BEND6: variants seen among roughly 807,000 people sequenced by gnomAD.
The protein encoded by BEND6 is BEN domain-containing protein 6.
A neutral mutation model predicts 31.8 loss-of-function variants in BEND6; 24 were observed. The ratio of observed to expected loss-of-function variants is 0.75; its 90% confidence interval spans 0.55 to 1.06. BEND6 has a LOEUF of 1.06. Ranked by LOEUF, BEND6 falls within the 50% of genes least tolerant of loss-of-function variation. The probability of loss-of-function intolerance (pLI) is 0.00; values close to 1 mark genes in which losing one functional copy is unlikely to be tolerated. For synonymous variants in BEND6, 109 were observed against 114.6 expected (o/e 0.95, Z 0.31); for missense variants, 294 against 327.4 (o/e 0.90, Z 0.79).
At chr6:57,013,182 C>T (rs1179546508) in intron 3 of BEND6, among the ~76,000 whole-genome samples, 1 of 152,228 alleles carries the variant, frequency 6.6e-6, no homozygotes, top group Non-Finnish European at 1.5e-5. Flanking sequence ...CCTAATACTT[C>T]TGACACCAAC....
intron 3 of BEND6, among the ~76,000 whole-genome samples, chr6:56,994,507 A>G (rs2127865799): frequency 6.7e-6 from 1 of 149,028 alleles, no homozygotes; most frequent in Non-Finnish European, 1.5e-5. Context: ...GGAGCTGTAG[A>G]CCTTGGTGTG....
rs115305534 is a variant in BEND6 at position 56,966,696 on chromosome 6, G to A, written c.-101+11236G>A. On this transcript the variant is annotated intron_variant, in intron 1 of 6. Transcript: ENST00000370746. Reference sequence around the variant, plus strand: ...TTACCTCTGTGCTATAGTCTTCTTCGTGAACACATCAACATGAAAGTAAGC... The same window carrying A: ...TTACCTCTGTGCTATAGTCTTCTTCATGAACACATCAACATGAAAGTAAGC... 3.7e-3 allele frequency among the ~76,000 whole-genome samples: 563 copies of A among 152,084 alleles called. 5 individuals are homozygous for A. The highest frequency in any genetic ancestry group is 0.013 in the African/African-American group (536 of 41,460).
At chr6:56,963,483 A>C (rs1049757746) in intron 1 of BEND6, among the ~76,000 whole-genome samples, 1 of 152,228 alleles carries the variant, frequency 6.6e-6, no homozygotes, top group African/African-American at 2.4e-5. Flanking sequence ...TTGACCCAGC[A>C]TCTCCAGAAA....
At chr6:57,018,156 T>TTAGAGCA (rs1827627438) in intron 5 of BEND6, among the ~76,000 whole-genome samples, 1 of 152,346 alleles carries the variant, frequency 6.6e-6, no homozygotes, top group African/African-American at 2.4e-5. Flanking sequence ...CAAGAGGACT[T>TTAGAGCA]AGAGTTTAAA....
chr6:57,010,217 A>G (rs1290279676), intron 3 of BEND6: 1 of 152,218 alleles, frequency 6.6e-6, no homozygotes, highest in Non-Finnish European at 1.5e-5. Flanking sequence ...TAAAGGTGCA[A>G]TCACAGCAAA....
rs1827491021 is a variant in BEND6, at chr6:57,015,123, G to A, written c.299-10G>A. On this transcript the variant is annotated splice_polypyrimidine_tract_variant and intron_variant, in intron 3 of 6. Transcript: ENST00000370746. Reference sequence around the variant, plus strand: ...GTATTTGTAAAGTGTACTTTTTCTTGCCATTTTAGTGTTACCACAAGCAGT... The same window carrying A: ...GTATTTGTAAAGTGTACTTTTTCTTACCATTTTAGTGTTACCACAAGCAGT... The A allele has an allele frequency of 6.2e-7, 1 of 1,608,258 alleles. No individual in the cohort carries two copies. The highest frequency in any genetic ancestry group is 2.2e-5 in the East Asian group (1 of 44,806).
intron 3 of BEND6, among the ~76,000 whole-genome samples, chr6:56,994,096 A>G (rs1283436064): frequency 2.6e-5 from 4 of 152,148 alleles, no homozygotes; most frequent in Non-Finnish European, 4.4e-5. Context: ...CCATTTTTAT[A>G]TAATCTCTTC....
At position 57,015,284 on chromosome 6, in the gene BEND6, T is replaced by C. The variant is rs369979620; in HGVS notation, c.450T>C (p.Asn150=). 10 of 1,614,132 alleles carry C rather than the reference T, an allele frequency of 6.2e-6. No homozygotes were observed. In the African/African-American group the frequency reaches 1.1e-4, roughly 17 times the overall value. The change falls in exon 4 of 7, where the codon AAT becomes AAC. Residue 150 remains asparagine, a synonymous_variant. Transcript: ENST00000370746. ...SPDSFASTCS[N]SNSNSSSPVS... ...ATTCATTTGCCTCAACATGCAGTAA[T>C]TCTAATTCTAACTCCAGTTCACCAG...
At chr6:57,002,828 G>A (rs1158714136) in intron 3 of BEND6, among the ~76,000 whole-genome samples, 1 of 151,894 alleles carries the variant, frequency 6.6e-6, no homozygotes, top group Non-Finnish European at 1.5e-5. Flanking sequence ...AAACCCCAAA[G>A]CTAGCAGAAG....
intron 1 of BEND6, among the ~76,000 whole-genome samples, chr6:56,955,926 G>C (rs550923471): frequency 6.6e-6 from 1 of 152,338 alleles, no homozygotes; most frequent in Middle Eastern, 3.4e-3. Flanking sequence ...ATGGCAGTTG[G>C]TGGCCAGGGG....
At chr6:57,020,533 G>T (rs956367604) in intron 6 of BEND6, among the ~76,000 whole-genome samples, 1 of 151,994 alleles carries the variant, frequency 6.6e-6, no homozygotes, top group African/African-American at 2.4e-5. Context: ...CAATCCTCCC[G>T]CCTCAGCCTC....
chr6:56,961,668 T>C (rs956160386), intron 1 of BEND6, among the ~76,000 whole-genome samples: 3 of 152,242 alleles, frequency 2.0e-5, no homozygotes, highest in Non-Finnish European at 4.4e-5. Flanking sequence ...CAAAAATTGC[T>C]ATAGTCTTAA....
chr6:57,015,014 ATAGCAAATGTT>A lies in BEND6; in HGVS notation c.299-118_299-108del, dbSNP rs1251718963. 2.5e-4 allele frequency: 177 copies of A among 716,468 alleles called. No homozygotes were observed. The African/African-American group carries it at 2.9e-3, about 12-fold the overall frequency. The allele number at this position is 716,468 out of a possible 1,614,324, so 44.4% of individuals were successfully genotyped here. ...TTCCTGCCATGTTTATTTTCCAAAG[ATAGCAAATGTT>A]AAGTTTGTTCTGCATATTTCTATGC... On this transcript the variant is annotated intron_variant, in intron 3 of 6. Coordinates refer to ENST00000370746, the MANE Select transcript of BEND6 (RefSeq NM_152731.3).
At chr6:56,992,675 TCA>T (rs1157720603) in intron 3 of BEND6, 120 bp downstream of exon 3, 14 of 1,121,784 alleles carry the variant, frequency 1.2e-5, no homozygotes, top group South Asian at 1.9e-5. Flanking sequence ...GCTCAAAAAA[TCA>T]CAGTTTTAGA....
At chr6:56,965,023 C>G (rs560533647) in intron 1 of BEND6, among the ~76,000 whole-genome samples, 8 of 152,288 alleles carry the variant, frequency 5.3e-5, no homozygotes, top group Non-Finnish European at 1.0e-4. Context: ...CCCAAATATG[C>G]CAATACACTG....
At position 57,018,404 on chromosome 6, in the gene BEND6, C is replaced by T; in HGVS notation, c.713-17C>T. 18 of 1,578,410 alleles carry T rather than the reference C, an allele frequency of 1.1e-5. No individual in the cohort carries two copies. The highest frequency in any genetic ancestry group is 1.5e-5 in the Non-Finnish European group (18 of 1,169,072). On this transcript the variant is annotated splice_polypyrimidine_tract_variant and intron_variant, in intron 5 of 6. Coordinates refer to ENST00000370746, the MANE Select transcript of BEND6 (RefSeq NM_152731.3). Reference sequence around the variant, plus strand: ...CACTCATGAAGTTTCTCATGTGTCGCTATTGGTTTTTTACAGGAGTAACAA... The same window carrying T: ...CACTCATGAAGTTTCTCATGTGTCGTTATTGGTTTTTTACAGGAGTAACAA...
At chr6:57,019,042 G>GT (rs940459193) in intron 6 of BEND6, among the ~76,000 whole-genome samples, 4 of 152,210 alleles carry the variant, frequency 2.6e-5, no homozygotes, top group African/African-American at 9.6e-5. Context: ...TCTGACAGTT[G>GT]TGCAAACTAT....
intron 1 of BEND6, among the ~76,000 whole-genome samples, chr6:56,956,751 C>T (rs1378372325): frequency 6.6e-6 from 1 of 152,220 alleles, no homozygotes; most frequent in African/African-American, 2.4e-5. Flanking sequence ...ACATCATGTG[C>T]ATATGGCTAA....
intron 3 of BEND6, among the ~76,000 whole-genome samples, chr6:56,996,596 A>G (rs977915700): frequency 1.3e-5 from 2 of 152,104 alleles, no homozygotes. Flanking sequence ...TTCAAACCAC[A>G]TTCCTCACCT....
Sources: allele counts gnomAD v4.1 joint callset (sites outside exome capture counted in the v4.1 genomes callset), GRCh38; gene constraint gnomAD v4.1.1; transcripts MANE v1.5; gene names NCBI Gene and HGNC (gene_info 2026-07-23, HGNC 2026-07-21).